Variants in ATP11A observed in about 807,000 individuals in gnomAD.
ATP11A encodes the protein phospholipid-transporting ATPase IH.
ATP11A carries 81 observed loss-of-function variants against 154.4 expected under a neutral mutation model. The ratio of observed to expected loss-of-function variants is 0.52; its 90% CI spans 0.44 to 0.63. ATP11A has a LOEUF of 0.63. ATP11A is among the 30% of genes least tolerant of loss of function. The pLI is 0.00. For synonymous variants in ATP11A, 623 were observed against 585.9 expected (o/e 1.06, Z -0.91); for missense variants, 1,316 against 1,474.3 (o/e 0.89, Z 1.76).
Position 112,826,774 on chromosome 13 carries a change from C to G in ATP11A, c.1104C>G (p.Val368=). 1 of 1,614,116 alleles carries G rather than the reference C, an allele frequency of 6.2e-7. No individual in the cohort carries two copies. Among genetic ancestry groups the G allele is most frequent in the Non-Finnish European group, 8.5e-7 (1 of 1,180,028 alleles). ...YIIPVSMYVT[V]EMQKFLGSYF... Reference sequence around the variant, plus strand: ...TCCCTGTGTCCATGTACGTCACGGTCGAGATGCAGAAGTTCCTCGGCTCTT... The same window carrying G: ...TCCCTGTGTCCATGTACGTCACGGTGGAGATGCAGAAGTTCCTCGGCTCTT... The change falls in exon 12 of 30, where the codon GTC becomes GTG. Residue 368 remains valine (V), a synonymous_variant. Transcript: ENST00000375645.
intron 25 of ATP11A, among the ~76,000 whole-genome samples, chr13:112,865,750 C>T (rs1045702510): frequency 1.4e-4 from 22 of 152,180 alleles, no homozygotes; most frequent in African/African-American, 4.6e-4. Context: ...GGGGTTTTAC[C>T]GTGTTAGCCA....
In ATP11A at chr13:112,827,687, A is replaced by G. The variant is rs533715487; in HGVS notation, c.1221+796A>G. ...TTTTCGGAAGAAATAGCGATTTTGAAGGATATTTTAGCAAACAAGGCCACT... is the reference window on the plus strand; with the variant it reads ...TTTTCGGAAGAAATAGCGATTTTGAGGGATATTTTAGCAAACAAGGCCACT... On this transcript the variant is annotated intron_variant, in intron 12 of 29. Transcript: ENST00000375645. 7.9e-5 allele frequency among the ~76,000 whole-genome samples: 12 copies of G among 152,378 alleles called. No individual in the cohort carries two copies. The South Asian group carries it at 2.5e-3, about 32-fold the overall frequency.
intron 9 of ATP11A, 117 bp downstream of exon 9, chr13:112,823,526 T>C: frequency 1.3e-6 from 1 of 755,080 alleles, no homozygotes; most frequent in South Asian, 1.8e-5. Context: ...TGCTGGAGGC[T>C]TTCTGGCCGC....
intron 29 of ATP11A, among the ~76,000 whole-genome samples, chr13:112,879,515 AC>A (rs2080823277): frequency 6.6e-6 from 1 of 152,208 alleles, no homozygotes; most frequent in Admixed American, 6.5e-5. Context: ...AAGCATTCTA[AC>A]GATTCATGTA....
intron 29 of ATP11A, chr13:112,880,445 C>T (rs2080850797): frequency 2.9e-6 from 3 of 1,049,064 alleles, no homozygotes; most frequent in Non-Finnish European, 3.7e-6. Flanking sequence ...GGCTTCGAGC[C>T]TCTTCCTGCT....
At chr13:112,878,512 A>T in intron 29 of ATP11A, 1 of 606,426 alleles carries the variant, frequency 1.6e-6, no homozygotes, top group Non-Finnish European at 2.9e-6. Context: ...GTCACAGTTA[A>T]CCAGGGTTTC....
chr13:112,729,236 G>T (rs1271777582), intron 1 of ATP11A, among the ~76,000 whole-genome samples: 1 of 152,188 alleles, frequency 6.6e-6, no homozygotes, highest in Non-Finnish European at 1.5e-5. Context: ...TTATGATTGA[G>T]CCTGACCTTA....
chr13:112,701,805 C>G (rs1168592799), intron 1 of ATP11A, among the ~76,000 whole-genome samples: 2 of 152,102 alleles, frequency 1.3e-5, no homozygotes, highest in Non-Finnish European at 2.9e-5. Context: ...TGCACTCCAG[C>G]CTGGGCGACA....
At chr13:112,878,838 C>CCT (rs1256283254) in intron 29 of ATP11A, among the ~76,000 whole-genome samples, 3 of 152,188 alleles carry the variant, frequency 2.0e-5, no homozygotes, top group Non-Finnish European at 4.4e-5. Context: ...AAAAGGGGAG[C>CCT]CAGGCTGAGC....
At chr13:112,787,218 G>GT (rs1438637806) in intron 2 of ATP11A, among the ~76,000 whole-genome samples, 1 of 139,038 alleles carries the variant, frequency 7.2e-6, no homozygotes, top group South Asian at 2.2e-4. Flanking sequence ...GTCCTGATGT[G>GT]TAGACCCCTG....
intron 1 of ATP11A, among the ~76,000 whole-genome samples, chr13:112,775,933 C>G (rs2077337867): frequency 6.6e-6 from 1 of 152,228 alleles, no homozygotes; most frequent in South Asian, 2.1e-4. Context: ...TCTCCCCTTG[C>G]CAGCCCCACA....
intron 1 of ATP11A, among the ~76,000 whole-genome samples, chr13:112,749,486 A>G (rs2076639227): frequency 6.6e-6 from 1 of 152,254 alleles, no homozygotes; most frequent in South Asian, 2.1e-4. Context: ...CTTGTTGAGT[A>G]TTAAAAGTCT....
intron 2 of ATP11A, among the ~76,000 whole-genome samples, chr13:112,790,984 C>A (rs956677170): frequency 2.5e-4 from 38 of 152,194 alleles, no homozygotes; most frequent in African/African-American, 9.2e-4. Flanking sequence ...AGTCATGATT[C>A]ATGGAAGGAG....
chr13:112,723,204 G>A (rs368852272), intron 1 of ATP11A, among the ~76,000 whole-genome samples: 3 of 150,462 alleles, frequency 2.0e-5, no homozygotes, highest in Admixed American at 1.3e-4. Flanking sequence ...TCCTGTGAGC[G>A]TGGGTTGAGG....
intron 1 of ATP11A, among the ~76,000 whole-genome samples, chr13:112,781,218 T>C (rs2140007853): frequency 6.6e-6 from 1 of 151,910 alleles, no homozygotes; most frequent in Non-Finnish European, 1.5e-5. Context: ...ATTTTTTTTT[T>C]CAGTAGAGAT....
chr13:112,707,961 C>T (rs1023885232), intron 1 of ATP11A, among the ~76,000 whole-genome samples: 1 of 152,216 alleles, frequency 6.6e-6, no homozygotes, highest in African/African-American at 2.4e-5. Context: ...ATCCATGAGA[C>T]GCTTTGAAAA....
intron 2 of ATP11A, among the ~76,000 whole-genome samples, chr13:112,787,802 G>A (rs1294837257): frequency 7.2e-5 from 10 of 139,838 alleles, no homozygotes; most frequent in African/African-American, 2.8e-5. Flanking sequence ...GTAAACCCCT[G>A]TGGAGACCTA....
chr13:112,851,192 G>A lies in ATP11A; in HGVS notation c.1965G>A (p.Leu655=). ...AYEQIEKDLT[L]LGATAVEDRL... is the part of the protein sequence containing the mutation. ...AGCAAATAGAGAAAGATCTTACTCTGCTTGGTGCTACAGCTGTTGAGGACC... is the reference window on the plus strand; with the variant it reads ...AGCAAATAGAGAAAGATCTTACTCTACTTGGTGCTACAGCTGTTGAGGACC... The change falls in exon 18 of 30, where the codon CTG becomes CTA. Residue 655 remains leucine (L), a synonymous_variant. Transcript: ENST00000375645. 1 of 1,614,038 alleles carries A rather than the reference G, an allele frequency of 6.2e-7. No homozygotes were observed. The highest frequency in any genetic ancestry group is 8.5e-7 in the Non-Finnish European group (1 of 1,179,994).
Position 112,860,338 on chromosome 13 carries a change from C to A in ATP11A, c.2779C>A (p.Leu927Ile). The change falls in exon 24 of 30, where the codon CTC (leucine) becomes ATC (isoleucine). Residue 927 changes from leucine to isoleucine, a missense_variant. Leu to Ile is a conservative substitution (Grantham distance 5). Around this residue, in one of 5 missense-constraint regions of ATP11A, gnomAD observed 294 missense variants for 290.2 expected, o/e 1.01. Transcript: ENST00000375645. The part of the protein sequence containing the change: ...LTLYNISFTS[L>I]PILLYSLMEQ... ...CCTCTACAACATCAGCTTCACCTCC[C>A]TCCCCATCCTCCTGTACAGCCTCAT... 12 of 1,614,236 alleles carry A rather than the reference C, an allele frequency of 7.4e-6. No individual in the cohort carries two copies. The highest frequency in any genetic ancestry group is 1.0e-5 in the Non-Finnish European group (12 of 1,180,040).
Sources: gnomAD v4.1 joint callset for allele counts (sites outside exome capture counted in the v4.1 genomes callset) on GRCh38, gnomAD v4.1.1 for gene constraint, gnomAD v4.1.1 regional missense constraint, MANE v1.5 for transcripts, NCBI Gene and HGNC (gene_info 2026-07-23, HGNC 2026-07-21) for gene names.